Variants in CGN observed in about 807,000 individuals in gnomAD.
CGN encodes cingulin.
In CGN, 121 loss-of-function variants were observed where a neutral mutation model predicts 157.1. That is an observed-to-expected ratio of 0.77 (90% CI 0.66 to 0.90). CGN has a LOEUF of 0.90. Among genes scored for constraint, CGN ranks in the 40% least tolerant of loss-of-function variants. The pLI is 0.00. For synonymous variants in CGN, 535 were observed against 607.5 expected, an observed-to-expected ratio of 0.88 and a Z score of 1.76; for missense variants, 1,424 against 1,520.9, an observed-to-expected ratio of 0.94 and a Z score of 1.06.
intron 1 of CGN, among the ~76,000 whole-genome samples, chr1:151,517,511 T>G (rs1340127870): frequency 1.3e-5 from 2 of 150,670 alleles, no homozygotes; most frequent in East Asian, 1.9e-4. Flanking sequence ...ACACAGTGTT[T>G]TTTTTTTTTT....
At chr1:151,526,873 G>T (rs1255966434) in intron 9 of CGN, 102 bp from the exon 10 acceptor site, 1 of 1,350,378 alleles carries the variant, frequency 7.4e-7, no homozygotes, top group African/African-American at 1.4e-5. Context: ...TGCCCAGCGT[G>T]TTGGCCTCCA....
chr1:151,532,573 G>A lies in CGN; in HGVS notation c.2742+1G>A, dbSNP rs777118678. ...AGGACTGAGCCGACTTCAGGATGAGGTAGAAGTCTAATATCCTTGGGTTTG... is the reference window on the plus strand; with the variant it reads ...AGGACTGAGCCGACTTCAGGATGAGATAGAAGTCTAATATCCTTGGGTTTG... On this transcript the variant is annotated splice_donor_variant, in intron 14 of 20. Transcript: ENST00000271636. LOFTEE classifies it high-confidence loss of function. 6.0e-6 allele frequency: 9 copies of A among 1,505,822 alleles called. No individual in the cohort carries two copies. In the East Asian group the frequency reaches 2.0e-4, roughly 33 times the overall value. The allele number at this position is 1,505,822 out of a possible 1,614,324, so 93.3% of individuals were successfully genotyped here.
In CGN at chr1:151,525,695, G is replaced by T; in HGVS notation, c.1668G>T (p.Gly556=). The change falls in exon 9 of 21, where the codon GGG becomes GGT. Residue 556 remains glycine, a synonymous_variant. Transcript: ENST00000271636. ...ERQKMSALVR[G]LQRELEETSE... ...AGAAGATGTCAGCCCTTGTGCGAGG[G>T]CTGCAGAGGGAGCTGGAGGAGACTT... 2 of 1,612,256 alleles carry T rather than the reference G, an allele frequency of 1.2e-6. No individual in the cohort carries two copies. The highest frequency in any genetic ancestry group is 1.7e-6 in the Non-Finnish European group (2 of 1,179,070).
rs7516311 is a variant in CGN at position 151,511,416 on chromosome 1, G to A, written c.-114G>A. On this transcript the variant is annotated 5_prime_UTR_variant, in exon 1 of 21. Transcript: ENST00000271636. This position sits in a 1 kb window ranked among gnomAD's most constrained non-coding sequence, Gnocchi z 4.8. ...AGCTCCGAGGACGAGGGGGAGGGCCGGAGCTGCGCGTGCTGCTTTGCCCGA... is the reference window on the plus strand; with the variant it reads ...AGCTCCGAGGACGAGGGGGAGGGCCAGAGCTGCGCGTGCTGCTTTGCCCGA... 158,012 of 163,030 alleles carry A rather than the reference G, an allele frequency of 0.97. 76,804 individuals carry two copies. The highest frequency in any genetic ancestry group is 1 in the East Asian group (5,282 of 5,282). 10.1% of individuals were successfully genotyped at this position (163,030 alleles called of 1,614,324 possible).
chr1:151,535,765 T>A lies in CGN; in HGVS notation c.3079-15T>A. 1.2e-6 allele frequency: 2 copies of A among 1,613,156 alleles called. No homozygotes were observed. The highest frequency in any genetic ancestry group is 1.7e-6 in the Non-Finnish European group (2 of 1,179,108). On this transcript the variant is annotated splice_polypyrimidine_tract_variant and intron_variant, in intron 17 of 20. Coordinates refer to ENST00000271636, the MANE Select transcript of CGN (RefSeq NM_020770.3). ...CAGTGGAGTGCTAACTGTGGAGGCT[T>A]CCTGTCCCTCTCAGAACAAGGACCT...
Position 151,525,049 on chromosome 1 carries a change from T to C in CGN, c.1614+163T>C, listed in dbSNP as rs570224308. ...CTGAAAACCTTGGGCAGGAAAACTA[T>C]AGGGGCAGAGGGAGGGAGTACAGGC... On this transcript the variant is annotated intron_variant, in intron 8 of 20. Coordinates refer to ENST00000271636, the MANE Select transcript of CGN (RefSeq NM_020770.3). Among the ~76,000 whole-genome samples the C allele has an allele frequency of 1.3e-4, 20 of 152,162 alleles. No individual in the cohort carries two copies. In the East Asian group the frequency reaches 3.1e-3, roughly 24 times the overall value.
Position 151,537,341 on chromosome 1 carries a change from T to C in CGN, c.3607T>C (p.Cys1203Arg), listed in dbSNP as rs1664992270. The C allele has an allele frequency of 1.9e-6, 3 of 1,612,994 alleles. No individual in the cohort carries two copies. In the African/African-American group the frequency reaches 4.0e-5, roughly 22 times the overall value. Residue 1203 changes from cysteine to arginine, a missense_variant, in exon 21 of 21, where the codon TGT becomes CGT. By Grantham distance (180) the Cys-to-Arg change is radical. Coordinates refer to ENST00000271636, the MANE Select transcript of CGN (RefSeq NM_020770.3). ...GGAGAGCAACCTACAGACCAGCTCCTGTTAGCTCGTGGTCCTCAAGGACTC... is the reference window on the plus strand; with the variant it reads ...GGAGAGCAACCTACAGACCAGCTCCCGTTAGCTCGTGGTCCTCAAGGACTC... ...LTESNLQTSS[C>R]
rs1664478127 is a variant in CGN, at chr1:151,519,029, T to C, written c.510T>C (p.Ile170=). The C allele has an allele frequency of 1.2e-6, 2 of 1,614,088 alleles. No homozygotes were observed. Among genetic ancestry groups the C allele is most frequent in the African/African-American group, 2.7e-5 (2 of 74,946 alleles). Residue 170 remains isoleucine, a synonymous_variant, in exon 2 of 21, where the codon ATT becomes ATC. Transcript: ENST00000271636. ...APKVASPGST[I]DTAPLSSVDS... is the part of the protein sequence containing the mutation. ...AAGTGGCTTCCCCAGGTAGCACCAT[T>C]GACACTGCTCCCCTGTCTTCAGTGG...
chr1:151,530,679 G>A lies in CGN; in HGVS notation c.2504G>A (p.Arg835Gln), dbSNP rs768598910. 78 of 1,564,128 alleles carry A rather than the reference G, an allele frequency of 5.0e-5. No homozygotes were observed. The highest frequency in any genetic ancestry group is 1.7e-4 in the Middle Eastern group (1 of 6,026). ...GGGAAGCAGCGGGAGGTGCTCCGGC[G>A]AGGCAAGGCTGAGCTGGAGGAGCAG... ...EEGKQREVLR[R>Q]GKAELEEQKR... The change falls in exon 13 of 21, where the codon CGA (arginine) becomes CAA (glutamine). Residue 835 changes from arginine to glutamine, a missense_variant. Physicochemically the swap from Arg to Gln is conservative, Grantham distance 43. This residue lies in a region of CGN where 1,187 missense variants were observed against 1,217.6 expected (regional missense o/e 0.97). Transcript: ENST00000271636.
intron 6 of CGN, 127 bp downstream of exon 6, chr1:151,523,688 T>C: frequency 1.0e-6 from 1 of 953,610 alleles, no homozygotes; most frequent in Non-Finnish European, 1.5e-6. Flanking sequence ...AGGGGCAGTG[T>C]TGGTTTAAGG....
intron 9 of CGN, among the ~76,000 whole-genome samples, chr1:151,526,325 C>A (rs970412472): frequency 9.3e-5 from 14 of 149,868 alleles, no homozygotes; most frequent in Non-Finnish European, 1.6e-4. Flanking sequence ...ATTATAGGCG[C>A]CTGCCACTAG....
intron 14 of CGN, 136 bp from the exon 15 acceptor site, chr1:151,533,839 T>C: frequency 1.3e-6 from 1 of 784,354 alleles, no homozygotes; most frequent in South Asian, 2.2e-5. Flanking sequence ...GTTTGCTTTT[T>C]ATTGTCATCA....
chr1:151,534,890 T>C (rs540321467), intron 15 of CGN, 152 bp from the exon 16 acceptor site: 8 of 625,268 alleles, frequency 1.3e-5, no homozygotes, highest in South Asian at 3.8e-5. Context: ...GCTGGCTCCA[T>C]AGTGGCTCTG....
rs1664618186 is a variant in CGN at position 151,524,301 on chromosome 1, G to C, written c.1344G>C (p.Leu448=). ...RHGLETQVME[L]QNKLKHVQGP... ...GGCTGGAGACCCAGGTGATGGAGCT[G>C]CAGAACAAGCTGAAACATGTCCAGG... The change falls in exon 7 of 21, where the codon CTG becomes CTC. Residue 448 remains leucine (L), a synonymous_variant. Coordinates refer to ENST00000271636, the MANE Select transcript of CGN (RefSeq NM_020770.3). The surrounding 1 kb of genome is among the most constrained non-coding windows in gnomAD (Gnocchi z 4.4). 2 of 1,614,216 alleles carry C rather than the reference G, an allele frequency of 1.2e-6. No homozygotes were observed. The highest frequency in any genetic ancestry group is 2.7e-5 in the African/African-American group (2 of 75,050).
chr1:151,530,714 C>A lies in CGN; in HGVS notation c.2539C>A (p.Leu847Met). ...KAELEEQKRL[L>M]DRTVDRLNKE... Reference sequence around the variant, plus strand: ...TGAGCTGGAGGAGCAGAAGCGTTTGCTGGACAGGACTGTGGACCGACTGAA... The same window carrying A: ...TGAGCTGGAGGAGCAGAAGCGTTTGATGGACAGGACTGTGGACCGACTGAA... The change falls in exon 13 of 21, where the codon CTG becomes ATG. Residue 847 changes from leucine (L) to methionine (M), a missense_variant. This residue lies in a region of CGN where 1,187 missense variants were observed against 1,217.6 expected (regional missense o/e 0.97). Coordinates refer to ENST00000271636, the MANE Select transcript of CGN (RefSeq NM_020770.3). 1 of 1,553,324 alleles carries A rather than the reference C, an allele frequency of 6.4e-7. No individual in the cohort carries two copies. The highest frequency in any genetic ancestry group is 8.7e-7 in the Non-Finnish European group (1 of 1,147,774).
Position 151,518,575 on chromosome 1 carries a change from A to G in CGN, c.56A>G (p.Gln19Arg). The G allele has an allele frequency of 6.2e-7, 1 of 1,614,104 alleles. No homozygotes were observed. The highest frequency in any genetic ancestry group is 8.5e-7 in the Non-Finnish European group (1 of 1,179,950). ...EPRGPVDHGVQIRFITEPVSG... is the reference protein window; with the variant it reads ...EPRGPVDHGVRIRFITEPVSG... ...CGGGGCCCCGTAGACCATGGAGTCC[A>G]GATTCGCTTCATCACAGAGCCAGTG... is the stretch of plus-strand genomic sequence containing the variant. Residue 19 changes from glutamine to arginine, a missense_variant, in exon 2 of 21, where the codon CAG becomes CGG. Gln to Arg is a conservative substitution (Grantham distance 43, BLOSUM62 1). Coordinates refer to ENST00000271636, the MANE Select transcript of CGN (RefSeq NM_020770.3).
intron 5 of CGN, 64 bp downstream of exon 5, chr1:151,520,755 A>T (rs1216418508): frequency 5.9e-6 from 8 of 1,356,478 alleles, no homozygotes; most frequent in Non-Finnish European, 6.2e-6. Flanking sequence ...TGGCCTGGAG[A>T]TGGGCTGAGC....
chr1:151,511,763 C>G lies in CGN; in HGVS notation c.-15+248C>G, dbSNP rs2102483450. ...GGGGCACCTGGGGCGAAGGCTGTTC[C>G]CAGCGCATGAAAGCGTTTCAGCGCC... On this transcript the variant is annotated intron_variant, in intron 1 of 20. Coordinates refer to ENST00000271636, the MANE Select transcript of CGN (RefSeq NM_020770.3). The surrounding 1 kb of genome is among the most constrained non-coding windows in gnomAD (Gnocchi z 4.8). Among the ~76,000 whole-genome samples the G allele has an allele frequency of 6.6e-6, 1 of 152,290 alleles. No individual in the cohort carries two copies. Among genetic ancestry groups the G allele is most frequent in the East Asian group, 1.9e-4 (1 of 5,160 alleles).
In CGN at chr1:151,534,127, G is replaced by C; in HGVS notation, c.2895G>C (p.Lys965Asn). The change falls in exon 15 of 21, where the codon AAG (lysine) becomes AAC (asparagine). Residue 965 changes from lysine (K) to asparagine (N), a missense_variant. Lys to Asn is a moderately conservative substitution (Grantham distance 94, BLOSUM62 0). Coordinates refer to ENST00000271636, the MANE Select transcript of CGN (RefSeq NM_020770.3). Reference protein sequence around the residue: ...RSQDDRARQLKGLEEKVSRLE... With the variant: ...RSQDDRARQLNGLEEKVSRLE... ...AGGACGACAGGGCCCGGCAGCTGAA[G>C]GGTCTCGAGGTGAGGGCACTGAGGT... is the stretch of plus-strand genomic sequence containing the variant. The C allele has an allele frequency of 2.5e-6, 4 of 1,586,606 alleles. No homozygotes were observed. The highest frequency in any genetic ancestry group is 3.4e-6 in the Non-Finnish European group (4 of 1,166,172).
Sources: gnomAD v4.1 joint callset for allele counts (sites outside exome capture counted in the v4.1 genomes callset) on GRCh38, gnomAD v4.1.1 for gene constraint, gnomAD v4.1.1 regional missense constraint, Gnocchi (gnomAD v3.1) non-coding constraint, MANE v1.5 for transcripts, NCBI Gene and HGNC (gene_info 2026-07-23, HGNC 2026-07-21) for gene names.